The following COL4A2 variants were observed in gnomAD, a reference collection of about 807,000 sequenced individuals.
The protein encoded by COL4A2 is collagen alpha-2(IV) chain.
In COL4A2, 99 loss-of-function variants were observed where a neutral mutation model predicts 200.2. That is an observed-to-expected ratio of 0.49 (90% CI 0.42 to 0.58). The LOEUF (loss-of-function observed/expected upper bound fraction) is 0.58, where lower values mean the gene tolerates loss of function less well. Among genes scored for constraint, COL4A2 ranks in the 20% least tolerant of loss-of-function variants. The pLI is 0.00. For missense variants in COL4A2, 1,950 were observed against 2,314.1 expected (o/e 0.84, Z 3.23); for synonymous variants, 897 against 900.6 (o/e 1.00, Z 0.07).
chr13:110,398,811 G>GTT (rs895461852), intron 4 of COL4A2, among the ~76,000 whole-genome samples: 1 of 152,104 alleles, frequency 6.6e-6, no homozygotes, highest in Admixed American at 6.5e-5. Flanking sequence ...GCAGGGTGGA[G>GTT]TTGGAGATCA....
Position 110,430,898 on chromosome 13 carries a change from G to A in COL4A2, c.648+291G>A, listed in dbSNP as rs372648464. The A allele has an allele frequency of 1.1e-3, 690 of 616,724 alleles. 13 individuals carry two copies. Among genetic ancestry groups the A allele is most frequent in the South Asian group, 9.2e-3 (656 of 71,224 alleles). The allele number at this position is 616,724 out of a possible 1,614,324, so 38.2% of individuals were successfully genotyped here. ...CATCCCCACCCCATACCTACCCAGT[G>A]ACAGACAGCCCATCATCCCTGGGCA... On this transcript the variant is annotated intron_variant, in intron 10 of 47. Transcript: ENST00000360467.
At chr13:110,433,110 G>A (rs554744081) in intron 11 of COL4A2, among the ~76,000 whole-genome samples, 18 of 152,342 alleles carry the variant, frequency 1.2e-4, no homozygotes, top group African/African-American at 3.8e-4. Flanking sequence ...AAGCCCACAC[G>A]TTGCCATGCC....
At chr13:110,427,726 C>T (rs1385757687) in intron 6 of COL4A2, among the ~76,000 whole-genome samples, 2 of 152,210 alleles carry the variant, frequency 1.3e-5, no homozygotes, top group African/African-American at 4.8e-5. Context: ...AAGATGCCCA[C>T]AAATTTAGCC....
At chr13:110,382,264 G>A (rs1266353015) in intron 4 of COL4A2, among the ~76,000 whole-genome samples, 1 of 152,142 alleles carries the variant, frequency 6.6e-6, no homozygotes, top group Admixed American at 6.5e-5. Flanking sequence ...CAGCTGCATA[G>A]TGCTATAGCA....
intron 20 of COL4A2, among the ~76,000 whole-genome samples, chr13:110,451,202 G>A (rs1046441432): frequency 2.6e-5 from 4 of 152,306 alleles, no homozygotes; most frequent in Non-Finnish European, 4.4e-5. Flanking sequence ...AGTCCCGCCT[G>A]GAGCTTGCTG....
chr13:110,421,636 A>G (rs1386577956), intron 4 of COL4A2, among the ~76,000 whole-genome samples: 1 of 152,204 alleles, frequency 6.6e-6, no homozygotes, highest in Non-Finnish European at 1.5e-5. Flanking sequence ...TGGGAACTAG[A>G]TAGAGGTGGT....
rs113330869 is a variant in COL4A2, at chr13:110,374,332, G to A, written c.180+16780G>A. Among the ~76,000 whole-genome samples the A allele has an allele frequency of 3.9e-4, 59 of 152,264 alleles. 2 individuals are homozygous for A. Among genetic ancestry groups the A allele is most frequent in the African/African-American group, 1.3e-3 (53 of 41,546 alleles). On this transcript the variant is annotated intron_variant, in intron 4 of 47. Transcript: ENST00000360467. ...GTTAAGGAACCAAACTCTGACCCGA[G>A]ATCTGGAGCCAACACTTAACTTTCC... is the stretch of plus-strand genomic sequence containing the variant.
chr13:110,317,220 C>T (rs1885158711), intron 3 of COL4A2, among the ~76,000 whole-genome samples: 1 of 151,420 alleles, frequency 6.6e-6, no homozygotes, highest in Non-Finnish European at 1.5e-5. Flanking sequence ...GCACCCCACA[C>T]ACACAGACAC....
chr13:110,407,025 T>TC (rs539177353), intron 4 of COL4A2, among the ~76,000 whole-genome samples: 435 of 152,266 alleles, frequency 2.9e-3, no homozygotes, highest in Non-Finnish European at 4.3e-3. Context: ...CCCGATCGCC[T>TC]CCTCAGGGAA....
At chr13:110,511,305 A>C (rs939074268) in intron 47 of COL4A2, among the ~76,000 whole-genome samples, 13 of 152,130 alleles carry the variant, frequency 8.5e-5, no homozygotes, top group African/African-American at 3.1e-4. Context: ...ACTATTTAAC[A>C]ACCTCTGATT....
Position 110,472,913 on chromosome 13 carries a change from C to T in COL4A2, c.2204-16C>T. On this transcript the variant is annotated splice_polypyrimidine_tract_variant and intron_variant, in intron 28 of 47. Coordinates refer to ENST00000360467, the MANE Select transcript of COL4A2 (RefSeq NM_001846.4). ...TGCTAACTTGTGGTTTGGGGCCCACCCATGTTTCCTTTTAGGGTTCATAGG... is the reference window on the plus strand; with the variant it reads ...TGCTAACTTGTGGTTTGGGGCCCACTCATGTTTCCTTTTAGGGTTCATAGG... 1 of 1,548,770 alleles carries T rather than the reference C, an allele frequency of 6.5e-7. No homozygotes were observed. The highest frequency in any genetic ancestry group is 8.7e-7 in the Non-Finnish European group (1 of 1,144,790).
intron 47 of COL4A2, among the ~76,000 whole-genome samples, chr13:110,510,022 G>T (rs1884032942): frequency 6.6e-6 from 1 of 152,208 alleles, no homozygotes; most frequent in South Asian, 2.1e-4. Context: ...AATACTCTTT[G>T]ATCCCTTCTG....
At chr13:110,469,750 G>A (rs1882391411) in intron 28 of COL4A2, among the ~76,000 whole-genome samples, 1 of 152,104 alleles carries the variant, frequency 6.6e-6, no homozygotes, top group East Asian at 1.9e-4. Context: ...GGAAAATGAG[G>A]TTTCCCTTAA....
intron 29 of COL4A2, chr13:110,473,642 G>C (rs1046517386): frequency 5.9e-5 from 9 of 152,510 alleles, no homozygotes; most frequent in African/African-American, 2.2e-4. Context: ...AAAGTAGACA[G>C]AGCATCCCTG....
chr13:110,355,400 C>G (rs1444573066), intron 3 of COL4A2, among the ~76,000 whole-genome samples: 27 of 79,114 alleles, frequency 3.4e-4, no homozygotes, highest in Admixed American at 8.4e-4. Flanking sequence ...GAGGGCTGCA[C>G]TAGCTCACCT....
intron 23 of COL4A2, 24 bp from the exon 24 acceptor site, chr13:110,462,254 C>T (rs769757328): frequency 2.5e-6 from 4 of 1,614,244 alleles, no homozygotes; most frequent in East Asian, 2.2e-5. Context: ...GCCTGGGCAG[C>T]TTCACATGCA....
chr13:110,399,565 C>G (rs57969828), intron 4 of COL4A2, among the ~76,000 whole-genome samples: 1 of 152,204 alleles, frequency 6.6e-6, no homozygotes, highest in South Asian at 2.1e-4. Flanking sequence ...ATGTGTGGAA[C>G]TGAGCCTAGG....
chr13:110,460,586 C>T (rs1006084462), intron 22 of COL4A2, among the ~76,000 whole-genome samples: 5 of 152,204 alleles, frequency 3.3e-5, no homozygotes, highest in African/African-American at 9.7e-5. Context: ...CAAGCACACA[C>T]GTCCACAGAA....
At chr13:110,469,948 T>C (rs1479806689) in intron 28 of COL4A2, among the ~76,000 whole-genome samples, 1 of 132,474 alleles carries the variant, frequency 7.5e-6, no homozygotes, top group East Asian at 2.4e-4. Flanking sequence ...GGAATCTCGC[T>C]CTGTCACCCA....
Sources: allele counts gnomAD v4.1 joint callset (sites outside exome capture counted in the v4.1 genomes callset), GRCh38; gene constraint gnomAD v4.1.1; transcripts MANE v1.5; gene names NCBI Gene and HGNC (gene_info 2026-07-23, HGNC 2026-07-21).